The following DDR2 variants were observed in gnomAD, a reference collection of about 807,000 sequenced individuals.
The protein encoded by DDR2 is discoidin domain-containing receptor 2.
Under a neutral mutation model 94.9 loss-of-function variants are expected in DDR2, and 27 were observed. The observed-to-expected ratio is 0.28, with a 90% CI of 0.21 to 0.39. DDR2 has a LOEUF of 0.39. Among genes scored for constraint, DDR2 ranks in the 10% least tolerant of loss-of-function variants. The probability of loss-of-function intolerance (pLI) is 1.00; values close to 1 mark genes in which losing one functional copy is unlikely to be tolerated. For missense variants in DDR2, 783 were observed against 1,076.0 expected (o/e 0.73, Z 3.81); for synonymous variants, 382 against 377.2 (o/e 1.01, Z -0.15).
At chr1:162,726,608 T>C (rs1251829107) in intron 3 of DDR2, among the ~76,000 whole-genome samples, 2 of 152,138 alleles carry the variant, frequency 1.3e-5, no homozygotes, top group Non-Finnish European at 2.9e-5. Flanking sequence ...GGAGACCTAG[T>C]CTCCTTGAGT....
Position 162,755,023 on chromosome 1 carries a change from T to C in DDR2, c.418-133T>C, listed in dbSNP as rs1463551402. On this transcript the variant is annotated intron_variant, in intron 5 of 17. Transcript: ENST00000367921. The stretch of plus-strand genomic sequence containing the variant: ...GGAGGCAGGGAAGGAATATCAAGGC[T>C]GTGGGGAAAGCAGAGTAGATGCATT... The C allele has an allele frequency of 2.7e-6, 4 of 1,458,594 alleles. No individual in the cohort carries two copies. In the East Asian group the frequency reaches 9.3e-5, roughly 34 times the overall value. The allele number at this position is 1,458,594 out of a possible 1,614,324, so 90.4% of individuals were successfully genotyped here. A position where few individuals can be genotyped will look rare whatever the true frequency, so the allele number is the denominator to read the frequency against.
chr1:162,652,142 A>G (rs1352273027), intron 1 of DDR2, among the ~76,000 whole-genome samples: 1 of 152,200 alleles, frequency 6.6e-6, no homozygotes, highest in African/African-American at 2.4e-5. Flanking sequence ...ATCTCTAAAT[A>G]TTAGTTTGCT....
At chr1:162,730,040 CT>C (rs543854413) in intron 3 of DDR2, among the ~76,000 whole-genome samples, 223 of 53,740 alleles carry the variant, frequency 4.1e-3, no homozygotes, top group Middle Eastern at 0.013. Flanking sequence ...CCATGCCTGG[CT>C]TTTTTTTTTT....
chr1:162,650,510 C>T (rs1281703803), intron 1 of DDR2, among the ~76,000 whole-genome samples: 4 of 152,070 alleles, frequency 2.6e-5, no homozygotes, highest in Non-Finnish European at 5.9e-5. Flanking sequence ...GCAGGAGAAT[C>T]GCTTGAACCT....
chr1:162,777,083 A>G lies in DDR2; in HGVS notation c.2283+713A>G, dbSNP rs565944621. 4.6e-5 allele frequency among the ~76,000 whole-genome samples: 7 copies of G among 152,264 alleles called. 1 individual carries two copies. The highest frequency in any genetic ancestry group is 1.7e-4 in the African/African-American group (7 of 41,576). ...ATTTGGTTTTGTTCATTTATGATTA[A>G]TCTGCTTATTTCCTGCTAATATTCT... On this transcript the variant is annotated intron_variant, in intron 16 of 17. Coordinates refer to ENST00000367921, the MANE Select transcript of DDR2 (RefSeq NM_006182.4).
chr1:162,741,847 G>A (rs191623667), intron 3 of DDR2: 5 of 692,888 alleles, frequency 7.2e-6, no homozygotes, highest in African/African-American at 5.8e-5. Context: ...TAAGTCACTG[G>A]TGACAAGGAC....
intron 9 of DDR2, among the ~76,000 whole-genome samples, chr1:162,765,022 A>G (rs1663925281): frequency 6.6e-6 from 1 of 152,108 alleles, no homozygotes; most frequent in East Asian, 1.9e-4. Flanking sequence ...GAGTAAGTTG[A>G]TTGATTGTTT....
chr1:162,693,776 G>A (rs1660059849), intron 2 of DDR2, among the ~76,000 whole-genome samples: 2 of 152,170 alleles, frequency 1.3e-5, no homozygotes, highest in African/African-American at 4.8e-5. Flanking sequence ...AGGCTGACAG[G>A]TATGTGAAGA....
intron 2 of DDR2, among the ~76,000 whole-genome samples, chr1:162,699,736 CT>C (rs11316222): frequency 0.83 from 125,896 of 152,122 alleles, 52,889 homozygotes; most frequent in Middle Eastern, 0.94. Context: ...AAGACTTAGT[CT>C]ATTATTTCCG....
At chr1:162,705,885 C>G (rs577274049) in intron 2 of DDR2, among the ~76,000 whole-genome samples, 5 of 152,312 alleles carry the variant, frequency 3.3e-5, no homozygotes, top group African/African-American at 1.2e-4. Flanking sequence ...AATAAGTGCT[C>G]CATAAACGTT....
chr1:162,715,694 C>T (rs1270908556), intron 2 of DDR2, among the ~76,000 whole-genome samples: 1 of 152,176 alleles, frequency 6.6e-6, no homozygotes, highest in Non-Finnish European at 1.5e-5. Context: ...GGTGTGTAAC[C>T]TGATTAGCTT....
Position 162,755,778 on chromosome 1 carries a change from T to C in DDR2, c.671+9T>C, listed in dbSNP as rs764925901. ...GGAGCTGTTGGATACAGGTAAATCCTGGGAAACTTTATTAGAATGGGAAAT... is the reference window on the plus strand; with the variant it reads ...GGAGCTGTTGGATACAGGTAAATCCCGGGAAACTTTATTAGAATGGGAAAT... On this transcript the variant is annotated intron_variant, in intron 7 of 17. Coordinates refer to ENST00000367921, the MANE Select transcript of DDR2 (RefSeq NM_006182.4). The C allele has an allele frequency of 6.2e-7, 1 of 1,611,088 alleles. No individual in the cohort carries two copies. The highest frequency in any genetic ancestry group is 8.5e-7 in the Non-Finnish European group (1 of 1,177,198).
chr1:162,757,438 G>A (rs1571298969), intron 7 of DDR2, among the ~76,000 whole-genome samples: 1 of 152,154 alleles, frequency 6.6e-6, no homozygotes, highest in African/African-American at 2.4e-5. Flanking sequence ...TTAGGGGACT[G>A]TCTGGGAGAA....
In DDR2 at chr1:162,773,497, A is replaced by G; in HGVS notation, c.1757A>G (p.Glu586Gly). 1 of 1,613,932 alleles carries G rather than the reference A, an allele frequency of 6.2e-7. No individual in the cohort carries two copies. Among genetic ancestry groups the G allele is most frequent in the South Asian group, 1.1e-5 (1 of 91,060 alleles). The stretch of plus-strand genomic sequence containing the variant: ...CATCTCTGTGAAGTGGAGGGAATGG[A>G]AAAATTCAAAGACAAAGATTTTGCC... The part of the protein sequence containing the change: ...EVHLCEVEGM[E>G]KFKDKDFALD... Residue 586 changes from glutamate (E) to glycine (G), a missense_variant, in exon 14 of 18, where the codon GAA (glutamate) becomes GGA (glycine). By Grantham distance (98) the Glu-to-Gly change is moderately conservative (BLOSUM62 -2). Around this residue, in one of 2 missense-constraint regions of DDR2, gnomAD observed 264 missense variants for 428.2 expected, o/e 0.62. Coordinates refer to ENST00000367921, the MANE Select transcript of DDR2 (RefSeq NM_006182.4).
chr1:162,753,678 C>T lies in DDR2; in HGVS notation c.185+481C>T, dbSNP rs562260444. ...CCTCCAACAAGTTCTCCACCTCTCT[C>T]AAGGATCTCTTACACAGAAGGGCCA... On this transcript the variant is annotated intron_variant, in intron 4 of 17. Coordinates refer to ENST00000367921, the MANE Select transcript of DDR2 (RefSeq NM_006182.4). Among the ~76,000 whole-genome samples, 4 of 152,272 alleles carry T rather than the reference C, an allele frequency of 2.6e-5. No individual in the cohort carries two copies. In the East Asian group the frequency reaches 7.7e-4, roughly 29 times the overall value.
At chr1:162,775,895 G>A (rs1412320421) in intron 15 of DDR2, 52 bp downstream of exon 15, 2 of 1,607,994 alleles carry the variant, frequency 1.2e-6, no homozygotes, top group Admixed American at 1.7e-5. Flanking sequence ...GAGTAACCTG[G>A]GATCTGAAAA....
At chr1:162,642,237 G>GT (rs2101890409) in intron 1 of DDR2, among the ~76,000 whole-genome samples, 1 of 152,158 alleles carries the variant, frequency 6.6e-6, no homozygotes, top group African/African-American at 2.4e-5. Context: ...GATTACAGGC[G>GT]TAAGCCACCA....
chr1:162,778,757 T>G (rs780419172), intron 17 of DDR2, 28 bp downstream of exon 17: 71 of 1,613,440 alleles, frequency 4.4e-5, no homozygotes, highest in Non-Finnish European at 5.9e-5. Flanking sequence ...TGAATGGATG[T>G]GGACCTGTGT....
intron 7 of DDR2, among the ~76,000 whole-genome samples, chr1:162,757,659 G>T (rs1663524289): frequency 1.3e-5 from 2 of 152,146 alleles, no homozygotes; most frequent in Non-Finnish European, 2.9e-5. Context: ...TTTTAAAGCT[G>T]AGGAAGGACA....
Sources: allele counts gnomAD v4.1 joint callset (sites outside exome capture counted in the v4.1 genomes callset), GRCh38; gene constraint gnomAD v4.1.1; regional missense constraint gnomAD v4.1.1; transcripts MANE v1.5; gene names NCBI Gene and HGNC (gene_info 2026-07-23, HGNC 2026-07-21).